BLTP1: variants seen among roughly 807,000 people sequenced by gnomAD.
BLTP1 encodes fragile site-associated protein.
the BLTP1 span, chr4:122,264,480 T>C: frequency 2.7e-6 from 4 of 1,461,736 alleles, no homozygotes; most frequent in South Asian, 4.4e-5. Context: ...AGGCATTGCT[T>C]AGCAACTGGA....
chr4:122,343,314 T>G, the BLTP1 span: 1 of 1,488,890 alleles, frequency 6.7e-7, no homozygotes, highest in South Asian at 1.3e-5. Flanking sequence ...AGTGTTTCCA[T>G]TTTATTCTGA....
the BLTP1 span, chr4:122,226,973 T>A: frequency 1.9e-5 from 13 of 675,934 alleles, no homozygotes; most frequent in South Asian, 1.4e-4. Context: ...AATTATTTTT[T>A]AAATTCTTAC....
At chr4:122,315,699 T>A in the BLTP1 span, 4 of 1,612,794 alleles carry the variant, frequency 2.5e-6, no homozygotes, top group Non-Finnish European at 2.5e-6. Flanking sequence ...GTAAGTAAAC[T>A]CACTGTTAGA....
the BLTP1 span, chr4:122,229,808 T>C: frequency 1.1e-5 from 15 of 1,361,408 alleles, no homozygotes; most frequent in Non-Finnish European, 1.4e-5. Flanking sequence ...TCTTTTTCCT[T>C]TATTTTCTCC....
the BLTP1 span, chr4:122,248,987 G>T: frequency 2.6e-6 from 2 of 771,156 alleles, no homozygotes; most frequent in African/African-American, 3.8e-5. Flanking sequence ...GGCACTTGGG[G>T]TGTTAATTTC....
the BLTP1 span, chr4:122,243,817 T>C: frequency 2.1e-6 from 3 of 1,437,310 alleles, no homozygotes; most frequent in South Asian, 1.6e-5. Flanking sequence ...TAATTCATGG[T>C]CTTTTTAATA....
chr4:122,325,993 C>A, the BLTP1 span: 1 of 395,392 alleles, frequency 2.5e-6, no homozygotes, highest in South Asian at 2.3e-5. Flanking sequence ...AAAATATCTT[C>A]CTCTCATTTC....
the BLTP1 span, among the ~76,000 whole-genome samples, chr4:122,283,362 CTTAAGTG>C: frequency 6.6e-6 from 1 of 152,014 alleles, no homozygotes; most frequent in Non-Finnish European, 1.5e-5. Context: ...TTTGTCACAT[CTTAAGTG>C]TTATTTTTAA....
chr4:122,189,027 A>ATGTGGACT, the BLTP1 span: 1 of 984,964 alleles, frequency 1.0e-6, no homozygotes, highest in Non-Finnish European at 1.2e-6. Context: ...ATCTTCTGGA[A>ATGTGGACT]TGTGGACTGT....
chr4:122,306,250 G>A, the BLTP1 span, among the ~76,000 whole-genome samples: 1 of 152,028 alleles, frequency 6.6e-6, no homozygotes, highest in Non-Finnish European at 1.5e-5. Flanking sequence ...TTGTCTTCTG[G>A]CTGGATAACA....
At chr4:122,336,422 T>A in the BLTP1 span, 5 of 1,047,144 alleles carry the variant, frequency 4.8e-6, no homozygotes, top group Admixed American at 5.2e-5. Context: ...AAGGTTTTCT[T>A]AATGCTATTA....
chr4:122,250,353 T>G, the BLTP1 span: 1 of 1,588,822 alleles, frequency 6.3e-7, no homozygotes, highest in Non-Finnish European at 8.6e-7. Flanking sequence ...CTTTTTTTTA[T>G]TTTTATAGGA....
chr4:122,207,697 A>C, the BLTP1 span: 1 of 1,362,246 alleles, frequency 7.3e-7, no homozygotes, highest in Non-Finnish European at 1.0e-6. Context: ...TTGATTTCCC[A>C]AAGCTTATCT....
chr4:122,241,290 T>G, the BLTP1 span, among the ~76,000 whole-genome samples: 3 of 152,222 alleles, frequency 2.0e-5, no homozygotes, highest in East Asian at 5.8e-4. Flanking sequence ...GCCCGAGAAA[T>G]AGTGAGTGGA....
At chr4:122,325,464 C>G in the BLTP1 span, 16 of 1,365,640 alleles carry the variant, frequency 1.2e-5, no homozygotes, top group Non-Finnish European at 1.5e-5. Context: ...TGCATATTAC[C>G]AAGTAGTGGG....
the BLTP1 span, among the ~76,000 whole-genome samples, chr4:122,335,889 A>G: frequency 6.6e-6 from 1 of 152,110 alleles, no homozygotes; most frequent in Admixed American, 6.6e-5. Context: ...AAAGTTCTCT[A>G]TATCTTCTTA....
chr4:122,298,076 G>T, the BLTP1 span: 1 of 625,736 alleles, frequency 1.6e-6, no homozygotes, highest in Non-Finnish European at 2.0e-6. Context: ...AAAAAGAAAA[G>T]ACAAGAGTAG....
the BLTP1 span, chr4:122,154,566 G>A: frequency 1.1e-6 from 1 of 878,414 alleles, no homozygotes; most frequent in Non-Finnish European, 1.4e-6. Flanking sequence ...TGTTTGTAAA[G>A]TGTTTTAAGA....
At chr4:122,296,099 A>G in the BLTP1 span, among the ~76,000 whole-genome samples, 36 of 152,340 alleles carry the variant, frequency 2.4e-4, no homozygotes, top group African/African-American at 8.7e-4. Context: ...GTCCGGCAAG[A>G]GAAAGAAAGT....
Sources: allele counts gnomAD v4.1 joint callset (sites outside exome capture counted in the v4.1 genomes callset), GRCh38; gene constraint gnomAD v4.1.1; transcripts MANE v1.5; gene names NCBI Gene and HGNC (gene_info 2026-07-23, HGNC 2026-07-21).